The following SLAIN1 variants were observed in gnomAD, a reference collection of about 807,000 sequenced individuals.
The protein encoded by SLAIN1 is SLAIN family member 1, also known as SLAIN motif-containing protein 1.
A neutral mutation model predicts 55.4 loss-of-function variants in SLAIN1; 17 were observed. The observed-to-expected ratio is 0.31, with a 90% confidence interval of 0.21 to 0.46. The LOEUF is 0.46. Ranked by LOEUF, SLAIN1 falls within the 20% of genes least tolerant of loss-of-function variation. The pLI is 1.00. For synonymous variants in SLAIN1, 348 were observed against 337.4 expected (o/e 1.03, Z -0.35); for missense variants, 682 against 785.1 (o/e 0.87, Z 1.57).
chr13:77,719,545 T>C lies in SLAIN1; in HGVS notation c.640T>C (p.Ser214Pro), dbSNP rs763962664. The change falls in exon 2 of 7, where the codon TCT becomes CCT. Residue 214 changes from serine to proline, a missense_variant. This residue lies in a region of SLAIN1 where 401 missense variants were observed against 417.3 expected (regional missense o/e 0.96). Coordinates refer to ENST00000418532, the MANE Select transcript of SLAIN1 (RefSeq NM_001242868.2). ...TCTTTTTTTAAGGTTATACATTGGCTCTTCAAAGACGTTCACCTCATCAGA... is the reference window on the plus strand; with the variant it reads ...TCTTTTTTTAAGGTTATACATTGGCCCTTCAAAGACGTTCACCTCATCAGA... Reference protein sequence around the residue: ...EDDYTWLYIGSSKTFTSSEKS... With the variant: ...EDDYTWLYIGPSKTFTSSEKS... The C allele has an allele frequency of 9.3e-6, 15 of 1,612,738 alleles. No individual in the cohort carries two copies. The South Asian group carries it at 1.1e-4, about 12-fold the overall frequency.
chr13:77,705,323 G>A (rs992853829), intron 1 of SLAIN1, among the ~76,000 whole-genome samples: 1 of 151,874 alleles, frequency 6.6e-6, no homozygotes, highest in African/African-American at 2.4e-5. Context: ...TCTGGTGTGT[G>A]TGGTTTGGAA....
intron 2 of SLAIN1, among the ~76,000 whole-genome samples, chr13:77,740,757 C>G (rs1873384857): frequency 6.6e-6 from 1 of 151,862 alleles, no homozygotes; most frequent in Non-Finnish European, 1.5e-5. Flanking sequence ...CTCTTTTTTA[C>G]AAGTTCTTTT....
intron 4 of SLAIN1, among the ~76,000 whole-genome samples, chr13:77,751,328 ATTTAAT>A (rs1170847313): frequency 2.0e-5 from 3 of 152,146 alleles, no homozygotes; most frequent in Admixed American, 6.5e-5. Flanking sequence ...TTGGGAAAAA[ATTTAAT>A]TTTAAGTTTA....
At chr13:77,708,832 TC>T (rs2091116659) in intron 1 of SLAIN1, among the ~76,000 whole-genome samples, 1 of 151,940 alleles carries the variant, frequency 6.6e-6, no homozygotes, top group African/African-American at 2.4e-5. Flanking sequence ...GGCTGAAAAT[TC>T]CAAAAACCAG....
At position 77,763,318 on chromosome 13, in the gene SLAIN1, C is replaced by A; in HGVS notation, c.*98C>A. 1.1e-6 allele frequency: 1 copy of A among 910,326 alleles called. No homozygotes were observed. The highest frequency in any genetic ancestry group is 1.7e-6 in the Non-Finnish European group (1 of 572,216). 56.4% of individuals were successfully genotyped at this position (910,326 alleles called of 1,614,324 possible). ...GCAGTGGATGTTGGGATATTCTTTCCCTTTTGTGTTTTAATATATTTACTG... is the reference window on the plus strand; with the variant it reads ...GCAGTGGATGTTGGGATATTCTTTCACTTTTGTGTTTTAATATATTTACTG... On this transcript the variant is annotated 3_prime_UTR_variant, in exon 7 of 7. Transcript: ENST00000418532.
intron 1 of SLAIN1, among the ~76,000 whole-genome samples, chr13:77,709,196 A>G (rs943238206): frequency 5.3e-5 from 8 of 151,982 alleles, no homozygotes; most frequent in African/African-American, 1.9e-4. Flanking sequence ...GAAATAAAGC[A>G]TGAAGACAAG....
chr13:77,725,548 T>C (rs896879244), intron 2 of SLAIN1, among the ~76,000 whole-genome samples: 1 of 152,228 alleles, frequency 6.6e-6, no homozygotes, highest in Non-Finnish European at 1.5e-5. Flanking sequence ...CTGCTGCTTA[T>C]GTAATATTTG....
Position 77,746,781 on chromosome 13 carries a change from A to G in SLAIN1, c.1184A>G (p.Asn395Ser), listed in dbSNP as rs2154410509. 6.2e-7 allele frequency: 1 copy of G among 1,613,820 alleles called. No individual in the cohort carries two copies. The highest frequency in any genetic ancestry group is 8.5e-7 in the Non-Finnish European group (1 of 1,179,832). The change falls in exon 4 of 7, where the codon AAT (asparagine) becomes AGT (serine). Residue 395 changes from asparagine (N) to serine (S), a missense_variant. By Grantham distance (46) the Asn-to-Ser change is conservative. Coordinates refer to ENST00000418532, the MANE Select transcript of SLAIN1 (RefSeq NM_001242868.2). The stretch of plus-strand genomic sequence containing the variant: ...CCCAGTTCCCAGTATTTTCCTTCAA[A>G]TAATTACCAGCAGCAACAGTATTAT... ...RSPSSQYFPS[N>S]NYQQQQYYSP...
intron 2 of SLAIN1, among the ~76,000 whole-genome samples, chr13:77,742,327 A>G (rs949026121): frequency 7.2e-5 from 11 of 152,164 alleles, no homozygotes; most frequent in Admixed American, 3.3e-4. Flanking sequence ...TAATGCAGAT[A>G]ATTTGGAAGT....
intron 1 of SLAIN1, among the ~76,000 whole-genome samples, chr13:77,709,121 C>G (rs1487053957): frequency 6.6e-6 from 1 of 151,514 alleles, no homozygotes; most frequent in Non-Finnish European, 1.5e-5. Flanking sequence ...GAAGCATACA[C>G]AAGTATCAAT....
chr13:77,756,296 C>G (rs544653038), intron 5 of SLAIN1, among the ~76,000 whole-genome samples: 3 of 151,742 alleles, frequency 2.0e-5, no homozygotes, highest in Non-Finnish European at 2.9e-5. Context: ...CTCTGCAGAT[C>G]AATTTTTGGA....
intron 5 of SLAIN1, among the ~76,000 whole-genome samples, chr13:77,759,398 CT>C (rs915725782): frequency 6.6e-6 from 1 of 152,132 alleles, no homozygotes; most frequent in African/African-American, 2.4e-5. Flanking sequence ...TTGACATCCT[CT>C]TTTCCAATTT....
chr13:77,701,395 T>C (rs1017202199), intron 1 of SLAIN1, among the ~76,000 whole-genome samples: 18 of 152,204 alleles, frequency 1.2e-4, no homozygotes, highest in African/African-American at 3.9e-4. Flanking sequence ...TTAAGAGTTA[T>C]GTGTGTAAGG....
chr13:77,761,027 G>A lies in SLAIN1; in HGVS notation c.1614G>A (p.Met538Ile). The stretch of plus-strand genomic sequence containing the variant: ...ACAAAGCTGCAGCTTCTGGGATAAT[G>A]GGTCGCAGTGCACTCCCAAGACCTT... ...TPNKAAASGIMGRSALPRPSL... is the reference protein window; with the variant it reads ...TPNKAAASGIIGRSALPRPSL... Residue 538 changes from methionine (M) to isoleucine (I), a missense_variant, in exon 6 of 7, where the codon ATG becomes ATA. Physicochemically the swap from Met to Ile is conservative, Grantham distance 10. Around this residue, in one of 3 missense-constraint regions of SLAIN1, gnomAD observed 244 missense variants for 295.2 expected, o/e 0.83. Coordinates refer to ENST00000418532, the MANE Select transcript of SLAIN1 (RefSeq NM_001242868.2). The A allele has an allele frequency of 6.2e-7, 1 of 1,614,222 alleles. No homozygotes were observed. Among genetic ancestry groups the A allele is most frequent in the Non-Finnish European group, 8.5e-7 (1 of 1,180,024 alleles).
intron 2 of SLAIN1, chr13:77,741,429 T>A: frequency 1.0e-6 from 1 of 987,474 alleles, no homozygotes; most frequent in Non-Finnish European, 1.2e-6. Context: ...TGGGAAAAGC[T>A]GCTTAACCAC....
At chr13:77,732,288 ACT>A (rs1381784070) in intron 2 of SLAIN1, among the ~76,000 whole-genome samples, 1 of 151,822 alleles carries the variant, frequency 6.6e-6, no homozygotes, top group African/African-American at 2.4e-5. Context: ...AGGCGTGAAG[ACT>A]CTTAGTAAAA....
In SLAIN1 at chr13:77,697,733, G is replaced by A. The variant is rs1478490210; in HGVS notation, c.-181G>A. On this transcript the variant is annotated 5_prime_UTR_variant, in exon 1 of 7. The change creates a premature stop within an existing upstream ORF in the 5' untranslated region. Transcript: ENST00000418532. ...AGCATGTGCAGATCAGCTCGGTGGT[G>A]GCTGCCGCGGCCGGAGGCGAGGGCC... 11 of 390,388 alleles carry A rather than the reference G, an allele frequency of 2.8e-5. No individual in the cohort carries two copies. In the Admixed American group the frequency reaches 5.9e-4, roughly 21 times the overall value. The allele number at this position is 390,388 out of a possible 1,614,324, so 24.2% of individuals were successfully genotyped here.
Position 77,741,449 on chromosome 13 carries a change from C to A in SLAIN1, c.767-2834C>A. ...AAAGCTGCTTAACCACTGTAAGTTA[C>A]GGGTTGGATAAGTGACATATACGAC... On this transcript the variant is annotated intron_variant, in intron 2 of 6. Coordinates refer to ENST00000418532, the MANE Select transcript of SLAIN1 (RefSeq NM_001242868.2). 4.1e-6 allele frequency: 4 copies of A among 987,126 alleles called. No homozygotes were observed. The South Asian group carries it at 1.4e-4, about 35-fold the overall frequency. The allele number at this position is 987,126 out of a possible 1,614,324, so 61.1% of individuals were successfully genotyped here. A position where few individuals can be genotyped will look rare whatever the true frequency, so the allele number is the denominator to read the frequency against.
intron 6 of SLAIN1, 82 bp downstream of exon 6, chr13:77,761,192 T>C (rs1048146874): frequency 7.1e-7 from 1 of 1,400,122 alleles, no homozygotes; most frequent in African/African-American, 1.4e-5. Context: ...TTCCTTTGGC[T>C]CACTTTAACC....
Sources: gnomAD v4.1 joint callset for allele counts (sites outside exome capture counted in the v4.1 genomes callset) on GRCh38, gnomAD v4.1.1 for gene constraint, gnomAD v4.1.1 regional missense constraint, MANE v1.5 for transcripts, NCBI Gene and HGNC (gene_info 2026-07-23, HGNC 2026-07-21) for gene names.